Variants in ELAVL2 observed in about 807,000 individuals in gnomAD.
The protein encoded by ELAVL2 is ELAV-like protein 2.
Under a neutral mutation model 34.6 loss-of-function variants are expected in ELAVL2, and 4 were observed. That is an observed-to-expected ratio of 0.12 (90% confidence interval 0.06 to 0.26). The LOEUF is 0.26. ELAVL2 is among the 10% of genes least tolerant of loss of function. ELAVL2 has a pLI of 1.00. For missense variants in ELAVL2, 432 were observed against 442.8 expected, an observed-to-expected ratio of 0.98 and a Z score of 0.22; for synonymous variants, 193 against 154.8, an observed-to-expected ratio of 1.25 and a Z score of -1.83.
chr9:23,760,611 T>C (rs1046569016), intron 2 of ELAVL2, among the ~76,000 whole-genome samples: 1 of 152,092 alleles, frequency 6.6e-6, no homozygotes, highest in South Asian at 2.1e-4. Flanking sequence ...ATTTCACATA[T>C]GCTTATCACA....
intron 1 of ELAVL2, among the ~76,000 whole-genome samples, chr9:23,817,829 A>G (rs143826571): frequency 5.8e-4 from 89 of 152,320 alleles, no homozygotes; most frequent in African/African-American, 2.0e-3. Context: ...GCAAACTTTG[A>G]CTTTTAATTC....
In ELAVL2 at chr9:23,692,166, G is replaced by GA. The variant is rs202039694; in HGVS notation, c.*390dup. The GA allele has an allele frequency of 6.7e-5, 11 of 163,658 alleles. No individual in the cohort carries two copies. Among genetic ancestry groups the GA allele is most frequent in the African/African-American group, 1.9e-4 (8 of 41,558 alleles). 10.1% of individuals were successfully genotyped at this position (163,658 alleles called of 1,614,324 possible). A position where few individuals can be genotyped will look rare whatever the true frequency, so the allele number is the denominator to read the frequency against. On this transcript the variant is annotated 3_prime_UTR_variant, in exon 7 of 7. Coordinates refer to ENST00000397312, the MANE Select transcript of ELAVL2 (RefSeq NM_004432.5). ...AATCAGAAAAAGGAAAAAAAGGGGGGAAAAAAAAGACACAACCAACTGAAG... is the reference window on the plus strand; with the variant it reads ...AATCAGAAAAAGGAAAAAAAGGGGGGAAAAAAAAAGACACAACCAACTGAAG...
At chr9:23,755,298 T>C (rs2053275966) in intron 2 of ELAVL2, among the ~76,000 whole-genome samples, 1 of 152,170 alleles carries the variant, frequency 6.6e-6, no homozygotes, top group Non-Finnish European at 1.5e-5. Context: ...AGTTTCATCA[T>C]CCTGTAATCT....
chr9:23,752,041 A>T (rs1235322734), intron 2 of ELAVL2, among the ~76,000 whole-genome samples: 7 of 152,330 alleles, frequency 4.6e-5, no homozygotes, highest in African/African-American at 1.7e-4. Flanking sequence ...GACAAACTCC[A>T]AGAAATCTAG....
chr9:23,783,478 C>T (rs1016737042), intron 1 of ELAVL2: 45 of 985,280 alleles, frequency 4.6e-5, no homozygotes, highest in Non-Finnish European at 5.2e-5. Flanking sequence ...AACCTGAAAA[C>T]AACGAGGTTC....
chr9:23,811,183 A>C (rs965954351), intron 1 of ELAVL2, among the ~76,000 whole-genome samples: 1 of 152,188 alleles, frequency 6.6e-6, no homozygotes, highest in African/African-American at 2.4e-5. Context: ...TAAGTCAGCC[A>C]AACTGTTTGG....
chr9:23,693,528 C>G lies in ELAVL2; in HGVS notation c.714-42G>C, dbSNP rs201078756. On this transcript the variant is annotated intron_variant, in intron 5 of 6. Transcript: ENST00000397312. ...TAGCAAACTTCAGTTTTTAATTTTT[C>G]CCCTTGATGTTCAAGAAAGTTGGGC... 10 of 1,613,026 alleles carry G rather than the reference C, an allele frequency of 6.2e-6. No homozygotes were observed. In the East Asian group the frequency reaches 2.0e-4, roughly 32 times the overall value.
intron 5 of ELAVL2, among the ~76,000 whole-genome samples, chr9:23,695,684 T>C (rs1289568122): frequency 6.6e-6 from 1 of 152,200 alleles, no homozygotes; most frequent in African/African-American, 2.4e-5. Flanking sequence ...CTGTACTGAA[T>C]ACTGTAGGTA....
chr9:23,756,505 A>G (rs1429205042), intron 2 of ELAVL2, among the ~76,000 whole-genome samples: 1 of 152,144 alleles, frequency 6.6e-6, no homozygotes, highest in African/African-American at 2.4e-5. Flanking sequence ...AGAAAGGAAA[A>G]ATAACAGTGA....
chr9:23,705,936 C>A (rs557754378), intron 3 of ELAVL2, among the ~76,000 whole-genome samples: 43 of 152,194 alleles, frequency 2.8e-4, no homozygotes, highest in African/African-American at 7.7e-4. Flanking sequence ...TGTTTTCTAG[C>A]CTCTCACATC....
intron 2 of ELAVL2, among the ~76,000 whole-genome samples, chr9:23,736,225 C>T (rs1037963519): frequency 6.6e-6 from 1 of 151,830 alleles, no homozygotes; most frequent in African/African-American, 2.4e-5. Context: ...TTTATCCAAC[C>T]AATATTAAAC....
intron 2 of ELAVL2, among the ~76,000 whole-genome samples, chr9:23,738,198 T>G (rs979438589): frequency 1.3e-5 from 2 of 152,220 alleles, no homozygotes; most frequent in Non-Finnish European, 2.9e-5. Context: ...ATCTCAGATC[T>G]GATACACAGC....
chr9:23,821,800 G>T (rs117516860), intron 1 of ELAVL2: 19,381 of 151,438 alleles, frequency 0.13, 1,553 homozygotes, highest in Middle Eastern at 0.18. Context: ...TCCTCACCCG[G>T]CCGGCTACTG....
intron 1 of ELAVL2, among the ~76,000 whole-genome samples, chr9:23,787,796 C>T (rs907259735): frequency 6.6e-6 from 1 of 152,136 alleles, no homozygotes; most frequent in Non-Finnish European, 1.5e-5. Flanking sequence ...AGGATGAGAA[C>T]CACTGTAAAA....
At chr9:23,846,327 A>G in the ELAVL2 span, among the ~76,000 whole-genome samples, 1 of 151,964 alleles carries the variant, frequency 6.6e-6, no homozygotes, top group Non-Finnish European at 1.5e-5. Context: ...AGTATATCAA[A>G]GTAAACTCTA....
chr9:23,794,112 A>G (rs2060632310), intron 1 of ELAVL2, among the ~76,000 whole-genome samples: 1 of 152,370 alleles, frequency 6.6e-6, no homozygotes, highest in South Asian at 2.1e-4. Flanking sequence ...TGCAGTCAGC[A>G]GCACCCAGAG....
chr9:23,726,613 G>C (rs2045246359), intron 3 of ELAVL2, among the ~76,000 whole-genome samples: 4 of 152,040 alleles, frequency 2.6e-5, no homozygotes, highest in Non-Finnish European at 4.4e-5. Flanking sequence ...TGAGAGAGAT[G>C]CTGGGAGCCA....
At chr9:23,761,609 A>G (rs1041522962) in intron 2 of ELAVL2, among the ~76,000 whole-genome samples, 2 of 152,084 alleles carry the variant, frequency 1.3e-5, no homozygotes, top group Admixed American at 1.3e-4. Flanking sequence ...TTATATTAAC[A>G]TAAGGAAAAC....
At chr9:23,791,950 A>C (rs950646525) in intron 1 of ELAVL2, among the ~76,000 whole-genome samples, 1 of 152,174 alleles carries the variant, frequency 6.6e-6, no homozygotes, top group South Asian at 2.1e-4. Flanking sequence ...GCTGCCACCC[A>C]ATCTTTTCCT....
Sources: allele counts gnomAD v4.1 joint callset (sites outside exome capture counted in the v4.1 genomes callset), GRCh38; gene constraint gnomAD v4.1.1; transcripts MANE v1.5; gene names NCBI Gene and HGNC (gene_info 2026-07-23, HGNC 2026-07-21).